Variants in NTN1 observed in about 807,000 individuals in gnomAD.
The protein encoded by NTN1 is netrin 1.
A neutral mutation model predicts 54.2 loss-of-function variants in NTN1; 11 were observed. The observed-to-expected ratio is 0.20, with a 90% CI of 0.13 to 0.34. The LOEUF (loss-of-function observed/expected upper bound fraction) is 0.34, where lower values mean the gene tolerates loss of function less well. Among genes scored for constraint, NTN1 ranks in the 10% least tolerant of loss-of-function variants. The pLI, the probability that NTN1 is intolerant of heterozygous loss-of-function variation, is 1.00. For missense variants in NTN1, 740 were observed against 893.1 expected (o/e 0.83, Z 2.18); for synonymous variants, 371 against 382.0 (o/e 0.97, Z 0.33).
chr17:9,069,540 G>A (rs2092026246), intron 2 of NTN1, among the ~76,000 whole-genome samples: 1 of 152,220 alleles, frequency 6.6e-6, no homozygotes, highest in Non-Finnish European at 1.5e-5. Context: ...AAGCCAAGGA[G>A]GTTATTTCCT....
chr17:9,047,970 A>G (rs2091946133), intron 2 of NTN1, among the ~76,000 whole-genome samples: 1 of 152,166 alleles, frequency 6.6e-6, no homozygotes, highest in South Asian at 2.1e-4. Context: ...TGCTGGGATT[A>G]CAGGCATCAG....
rs371524699 is a variant in NTN1 at position 9,212,955 on chromosome 17, C to T, written c.1412-8213C>T. Reference sequence around the variant, plus strand: ...ATGAGCCTCGATCCGGCGAGCAGGCCGGCTCAGCAGGATTTTGGCACCTGG... The same window carrying T: ...ATGAGCCTCGATCCGGCGAGCAGGCTGGCTCAGCAGGATTTTGGCACCTGG... On this transcript the variant is annotated intron_variant, in intron 5 of 6. Coordinates refer to ENST00000173229, the MANE Select transcript of NTN1 (RefSeq NM_004822.3). The surrounding 1 kb of genome is among the most constrained non-coding windows in gnomAD (Gnocchi z 5.5). 4.6e-5 allele frequency among the ~76,000 whole-genome samples: 7 copies of T among 152,292 alleles called. No individual in the cohort carries two copies. The East Asian group carries it at 5.8e-4, about 13-fold the overall frequency.
chr17:9,058,974 A>T (rs1419305343), intron 2 of NTN1, among the ~76,000 whole-genome samples: 1 of 152,144 alleles, frequency 6.6e-6, no homozygotes, highest in Non-Finnish European at 1.5e-5. Flanking sequence ...ATGTCTGTGC[A>T]TTTCAGAGTC....
intron 6 of NTN1, among the ~76,000 whole-genome samples, chr17:9,226,427 CGTGGGG>C (rs1215279998): frequency 0.032 from 3,196 of 100,352 alleles, 116 homozygotes; most frequent in African/African-American, 0.15. Flanking sequence ...GAGGCGGTCT[CGTGGGG>C]AGGCGGTCTC....
chr17:9,159,320 T>A (rs2092351263), intron 2 of NTN1, among the ~76,000 whole-genome samples: 1 of 152,178 alleles, frequency 6.6e-6, no homozygotes, highest in Admixed American at 6.5e-5. Context: ...CAAATTAAAA[T>A]CGTCTGTGTG....
chr17:9,064,662 TCAC>T (rs2092009259), intron 2 of NTN1, among the ~76,000 whole-genome samples: 1 of 152,212 alleles, frequency 6.6e-6, no homozygotes, highest in Non-Finnish European at 1.5e-5. Flanking sequence ...TTCACATCAT[TCAC>T]ACTGCCGAGT....
chr17:9,151,896 C>T (rs1020905764), intron 2 of NTN1, among the ~76,000 whole-genome samples: 2 of 152,160 alleles, frequency 1.3e-5, no homozygotes, highest in Non-Finnish European at 2.9e-5. Flanking sequence ...ACACACCAAT[C>T]AGCACTCTGT....
rs562852247 is a variant in NTN1 at position 9,088,584 on chromosome 17, G to A, written c.1018+65193G>A. ...TGGGCTCTGAGTCCCACCTCCACCC[G>A]CTCCTGGGTGGGTTGTTCATTTGAG... On this transcript the variant is annotated intron_variant, in intron 2 of 6. Coordinates refer to ENST00000173229, the MANE Select transcript of NTN1 (RefSeq NM_004822.3). 9.9e-5 allele frequency among the ~76,000 whole-genome samples: 15 copies of A among 152,176 alleles called. No homozygotes were observed. The South Asian group carries it at 2.7e-3, about 27-fold the overall frequency.
At chr17:9,072,626 G>A (rs576300863) in intron 2 of NTN1, among the ~76,000 whole-genome samples, 12 of 152,282 alleles carry the variant, frequency 7.9e-5, no homozygotes, top group East Asian at 7.7e-4. Context: ...GGAGGCTGTC[G>A]GGTAACCTAA....
chr17:9,006,185 G>A, the NTN1 span, among the ~76,000 whole-genome samples: 1 of 127,850 alleles, frequency 7.8e-6, no homozygotes, highest in African/African-American at 2.9e-5. Flanking sequence ...GGGGTGGTGG[G>A]TAGTGGGGGG....
intron 2 of NTN1, among the ~76,000 whole-genome samples, chr17:9,130,043 A>G (rs1444059955): frequency 6.6e-6 from 1 of 152,086 alleles, no homozygotes; most frequent in Non-Finnish European, 1.5e-5. Flanking sequence ...CTGTGAAGTT[A>G]TGTCTTGGTG....
At chr17:9,004,541 T>A in the NTN1 span, among the ~76,000 whole-genome samples, 1 of 152,220 alleles carries the variant, frequency 6.6e-6, no homozygotes, top group Non-Finnish European at 1.5e-5. Flanking sequence ...CTACGGAGTT[T>A]GAATGCTGGG....
chr17:9,144,279 G>A (rs915601810), intron 2 of NTN1, among the ~76,000 whole-genome samples: 6 of 151,930 alleles, frequency 3.9e-5, no homozygotes, highest in Non-Finnish European at 8.8e-5. Context: ...CCAGCATCTA[G>A]TAGGTCTCCC....
chr17:9,133,550 G>A (rs1056249663), intron 2 of NTN1, among the ~76,000 whole-genome samples: 7 of 151,762 alleles, frequency 4.6e-5, no homozygotes, highest in East Asian at 1.9e-4. Flanking sequence ...CAAGTTGGCC[G>A]TGGTCTTCCA....
intron 2 of NTN1, among the ~76,000 whole-genome samples, chr17:9,059,587 A>T (rs2091989724): frequency 6.6e-6 from 1 of 152,186 alleles, no homozygotes; most frequent in African/African-American, 2.4e-5. Flanking sequence ...CACATATGAT[A>T]TGGTTACATT....
At chr17:9,011,487 C>A in the NTN1 span, among the ~76,000 whole-genome samples, 1 of 152,204 alleles carries the variant, frequency 6.6e-6, no homozygotes, top group Non-Finnish European at 1.5e-5. Flanking sequence ...TATGCCATAA[C>A]AATTTCTCCA....
At chr17:9,217,681 A>C (rs1243706790) in intron 5 of NTN1, among the ~76,000 whole-genome samples, 1 of 152,048 alleles carries the variant, frequency 6.6e-6, no homozygotes, top group Non-Finnish European at 1.5e-5. Context: ...TATTCACTTT[A>C]CCTAAGGGAG....
Position 9,116,920 on chromosome 17 carries a change from C to T in NTN1, c.1019-45893C>T, listed in dbSNP as rs139163688. Among the ~76,000 whole-genome samples, 114 of 152,204 alleles carry T rather than the reference C, an allele frequency of 7.5e-4. 1 individual carries two copies. Among genetic ancestry groups the T allele is most frequent in the African/African-American group, 2.4e-3 (101 of 41,534 alleles). ...GGCACATCCTATTAACAGTTGATGTCGGATATCTTGTCTGCTTTCAGGAAG... is the reference window on the plus strand; with the variant it reads ...GGCACATCCTATTAACAGTTGATGTTGGATATCTTGTCTGCTTTCAGGAAG... On this transcript the variant is annotated intron_variant, in intron 2 of 6. Coordinates refer to ENST00000173229, the MANE Select transcript of NTN1 (RefSeq NM_004822.3).
intron 5 of NTN1, among the ~76,000 whole-genome samples, chr17:9,215,282 C>CAT (rs1905194148): frequency 6.7e-6 from 1 of 150,078 alleles, no homozygotes; most frequent in Admixed American, 6.7e-5. Flanking sequence ...CACACACACA[C>CAT]ACACACATAC....
Sources: allele counts gnomAD v4.1 joint callset (sites outside exome capture counted in the v4.1 genomes callset), GRCh38; gene constraint gnomAD v4.1.1; non-coding constraint Gnocchi (gnomAD v3.1); transcripts MANE v1.5; gene names NCBI Gene and HGNC (gene_info 2026-07-23, HGNC 2026-07-21).